Variants in SLC8A3 observed in about 807,000 individuals in gnomAD.
SLC8A3 encodes sodium/calcium exchanger 3.
A neutral mutation model predicts 65.4 loss-of-function variants in SLC8A3; 37 were observed. The observed-to-expected ratio is 0.57, with a 90% CI of 0.44 to 0.74. The LOEUF (loss-of-function observed/expected upper bound fraction) is 0.74. Ranked by LOEUF, SLC8A3 falls within the 30% of genes least tolerant of loss-of-function variation. The probability of loss-of-function intolerance (pLI) is 0.00; values close to 1 mark genes in which losing one functional copy is unlikely to be tolerated. For synonymous variants in SLC8A3, 461 were observed against 444.5 expected, an observed-to-expected ratio of 1.04 and a Z score of -0.47; for missense variants, 1,112 against 1,172.1, an observed-to-expected ratio of 0.95 and a Z score of 0.75.
chr14:70,076,833 A>G (rs1890565887), intron 2 of SLC8A3, among the ~76,000 whole-genome samples: 2 of 152,234 alleles, frequency 1.3e-5, no homozygotes, highest in South Asian at 2.1e-4. Flanking sequence ...GACAGATGCC[A>G]TGAAAATCAT....
rs1339515895 is a variant in SLC8A3, at chr14:70,048,851, G to C, written c.2305C>G (p.Leu769Val). ...ATGGTGCAGCCGAAGTGCGAGGCCA[G>C]GTCCCCAATGATGGCGGTGAGCATG... Reference protein sequence around the residue: ...IGMLTAIIGDLASHFGCTIGL... With the variant: ...IGMLTAIIGDVASHFGCTIGL... Residue 769 changes from leucine to valine, a missense_variant, in exon 6 of 7, where the codon CTG (leucine) becomes GTG (valine). Leu to Val is a conservative substitution (Grantham distance 32). Transcript: ENST00000356921. 4 of 1,614,038 alleles carry C rather than the reference G, an allele frequency of 2.5e-6. No individual in the cohort carries two copies. The African/African-American group carries it at 4.0e-5, about 16-fold the overall frequency.
intron 2 of SLC8A3, among the ~76,000 whole-genome samples, chr14:70,092,607 C>T (rs1891880667): frequency 6.6e-6 from 1 of 152,166 alleles, no homozygotes; most frequent in Admixed American, 6.5e-5. Flanking sequence ...TTTTACATAG[C>T]CTATCTCTCC....
chr14:70,079,328 T>TAAAAAA (rs1890828494), intron 2 of SLC8A3, among the ~76,000 whole-genome samples: 1 of 27,084 alleles, frequency 3.7e-5, no homozygotes, highest in Non-Finnish European at 7.6e-5. Flanking sequence ...TACTAAAAAA[T>TAAAAAA]ACAAAAAAAA....
intron 2 of SLC8A3, among the ~76,000 whole-genome samples, chr14:70,108,409 AAAAAAGAAAAATG>A (rs1461315679): frequency 1.3e-5 from 2 of 151,948 alleles, no homozygotes; most frequent in East Asian, 1.9e-4. Flanking sequence ...CAAAAAAAAA[AAAAAAGAAAAATG>A]AAAAAGAAAA....
At position 70,166,688 on chromosome 14, in the gene SLC8A3, C is replaced by T; in HGVS notation, c.1735G>A (p.Asp579Asn). Residue 579 changes from aspartate to asparagine, a missense_variant, in exon 2 of 7, where the codon GAC becomes AAC. Transcript: ENST00000356921. ...VEGTAKGGGE[D>N]FEDTYGELEF... is the part of the protein sequence containing the mutation. ...AACTCCCCATATGTGTCTTCAAAGT[C>T]CTCACCGCCACCCTTGGCTGTCCCT... 1 of 1,612,854 alleles carries T rather than the reference C, an allele frequency of 6.2e-7. No individual in the cohort carries two copies.
At chr14:70,079,330 C>CAAAAAAAAAAAAA (rs11464342) in intron 2 of SLC8A3, among the ~76,000 whole-genome samples, 22 of 80,836 alleles carry the variant, frequency 2.7e-4, no homozygotes, top group Non-Finnish European at 3.8e-4. Context: ...CTAAAAAATA[C>CAAAAAAAAAAAAA]AAAAAAAAAA....
At chr14:70,183,367 A>C (rs978731379) in intron 1 of SLC8A3, among the ~76,000 whole-genome samples, 9 of 152,166 alleles carry the variant, frequency 5.9e-5, no homozygotes, top group African/African-American at 1.9e-4. Context: ...ACGTACATAC[A>C]CATGTGAGTC....
chr14:70,088,445 C>G (rs1026234667), intron 2 of SLC8A3, among the ~76,000 whole-genome samples: 1 of 152,164 alleles, frequency 6.6e-6, no homozygotes, highest in Non-Finnish European at 1.5e-5. Context: ...TCTCAGGTAA[C>G]GGCTCCTTCC....
At chr14:70,120,483 T>A (rs1893982315) in intron 2 of SLC8A3, among the ~76,000 whole-genome samples, 1 of 152,232 alleles carries the variant, frequency 6.6e-6, no homozygotes, top group African/African-American at 2.4e-5. Context: ...CTAGGCTAGC[T>A]GTGTCCTCCC....
Position 70,166,890 on chromosome 14 carries a change from A to AG in SLC8A3, c.1532dup (p.Val512CysfsTer15). ...TGGCCACACAAGGGGAGGCTAGGAC[A>AG]GCCCGAGGCAAGGGAAGACTGTTGA... On this transcript the variant is annotated frameshift_variant, in exon 2 of 7. Coordinates refer to ENST00000356921, the MANE Select transcript of SLC8A3 (RefSeq NM_182932.3). LOFTEE classifies it high-confidence loss of function. The AG allele has an allele frequency of 6.2e-7, 1 of 1,614,214 alleles. No homozygotes were observed.
chr14:70,162,643 C>T (rs1896956778), intron 2 of SLC8A3, among the ~76,000 whole-genome samples: 1 of 152,176 alleles, frequency 6.6e-6, no homozygotes, highest in Non-Finnish European at 1.5e-5. Flanking sequence ...GAGCCAGTCA[C>T]TTGTTTAATG....
chr14:70,160,887 A>AAAC, intron 2 of SLC8A3, among the ~76,000 whole-genome samples: 1 of 151,390 alleles, frequency 6.6e-6, no homozygotes, highest in East Asian at 1.9e-4. Flanking sequence ...CAAAAAAAAA[A>AAAC]AAAGACATTT....
At chr14:70,058,067 C>T (rs1471394394) in intron 3 of SLC8A3, among the ~76,000 whole-genome samples, 1 of 152,202 alleles carries the variant, frequency 6.6e-6, no homozygotes, top group Non-Finnish European at 1.5e-5. Flanking sequence ...TTCCATCCCC[C>T]AGCTCATCCA....
At chr14:70,084,873 T>C (rs1339174605) in intron 2 of SLC8A3, among the ~76,000 whole-genome samples, 1 of 151,922 alleles carries the variant, frequency 6.6e-6, no homozygotes, top group Non-Finnish European at 1.5e-5. Flanking sequence ...ACATGGGAGG[T>C]GTCAAGAATG....
chr14:70,058,430 T>C (rs536671990), intron 3 of SLC8A3, among the ~76,000 whole-genome samples: 1 of 152,232 alleles, frequency 6.6e-6, no homozygotes, highest in South Asian at 2.1e-4. Flanking sequence ...GACAATAAAA[T>C]AGGCAGCTGG....
At chr14:70,085,798 A>G (rs769947507) in intron 2 of SLC8A3, among the ~76,000 whole-genome samples, 9 of 152,236 alleles carry the variant, frequency 5.9e-5, no homozygotes, top group Non-Finnish European at 1.0e-4. Context: ...CATGTCATTT[A>G]ATATGCTCCA....
intron 2 of SLC8A3, among the ~76,000 whole-genome samples, chr14:70,093,892 G>C (rs892369115): frequency 1.3e-5 from 2 of 152,220 alleles, no homozygotes; most frequent in Non-Finnish European, 2.9e-5. Flanking sequence ...TAGCTCATGA[G>C]TTGGGCTGAA....
chr14:70,065,471 A>G (rs1203759521), intron 2 of SLC8A3, among the ~76,000 whole-genome samples: 3 of 152,124 alleles, frequency 2.0e-5, no homozygotes, highest in Non-Finnish European at 1.5e-5. Flanking sequence ...AAAGGCCATG[A>G]TGCTCTGGCC....
chr14:70,107,350 C>T (rs1361979600), intron 2 of SLC8A3, among the ~76,000 whole-genome samples: 1 of 152,076 alleles, frequency 6.6e-6, no homozygotes, highest in Non-Finnish European at 1.5e-5. Context: ...TATCAGAATC[C>T]TTGAACAGAA....
Sources: allele counts gnomAD v4.1 joint callset (sites outside exome capture counted in the v4.1 genomes callset), GRCh38; gene constraint gnomAD v4.1.1; transcripts MANE v1.5; gene names NCBI Gene and HGNC (gene_info 2026-07-23, HGNC 2026-07-21).